MRPL20: variants seen among roughly 807,000 people sequenced by gnomAD.
The protein encoded by MRPL20 is mitochondrial ribosomal protein L20.
MRPL20 carries 21 observed loss-of-function variants against 20.0 expected under a neutral mutation model. The observed-to-expected ratio is 1.05, with a 90% confidence interval of 0.74 to 1.51. The LOEUF (loss-of-function observed/expected upper bound fraction) is 1.51, where lower values mean the gene tolerates loss of function less well. Among genes scored for constraint, MRPL20 ranks in the 40% most tolerant of loss-of-function variants. The probability of loss-of-function intolerance (pLI) is 0.00; values close to 1 mark genes in which losing one functional copy is unlikely to be tolerated. For missense variants in MRPL20, 252 were observed against 185.6 expected, an observed-to-expected ratio of 1.36 and a Z score of -2.08; for synonymous variants, 104 against 73.0, an observed-to-expected ratio of 1.43 and a Z score of -2.17.
intron 2 of MRPL20, chr1:1,406,698 G>A (rs1445342168): frequency 1.2e-5 from 7 of 592,388 alleles, no homozygotes; most frequent in Admixed American, 1.1e-4. Context: ...AGGGGCTGGA[G>A]CAGGGGGTGA....
chr1:1,404,777 G>C (rs1232492157), intron 3 of MRPL20, among the ~76,000 whole-genome samples: 1 of 152,072 alleles, frequency 6.6e-6, no homozygotes, highest in Non-Finnish European at 1.5e-5. Context: ...GGGATGCCTG[G>C]CCTTTTTTCT....
At chr1:1,403,852 T>A (rs944940830) in intron 3 of MRPL20, among the ~76,000 whole-genome samples, 3 of 152,132 alleles carry the variant, frequency 2.0e-5, no homozygotes, top group Non-Finnish European at 2.9e-5. Flanking sequence ...AAACTTTTTG[T>A]TGTTGTTGAG....
chr1:1,403,130 A>AAAAAAAG (rs1161305436), intron 3 of MRPL20, among the ~76,000 whole-genome samples: 1 of 151,798 alleles, frequency 6.6e-6, no homozygotes, highest in African/African-American at 2.4e-5. Context: ...TTGTATCCAA[A>AAAAAAAG]AAAAAAAAGG....
intron 3 of MRPL20, among the ~76,000 whole-genome samples, chr1:1,404,767 G>C (rs1645367443): frequency 6.6e-6 from 1 of 152,082 alleles, no homozygotes; most frequent in Admixed American, 6.6e-5. Flanking sequence ...CCAAAGTGTT[G>C]GGATGCCTGG....
chr1:1,407,070 G>A, intron 1 of MRPL20, 51 bp from the exon 2 acceptor site: 8 of 1,607,402 alleles, frequency 5.0e-6, no homozygotes, highest in Non-Finnish European at 6.8e-6. Context: ...CGCGCCGGCC[G>A]CCCCTTGGCC....
At chr1:1,403,098 C>T (rs1459236914) in intron 3 of MRPL20, among the ~76,000 whole-genome samples, 3 of 145,872 alleles carry the variant, frequency 2.1e-5, no homozygotes, top group East Asian at 2.0e-4. Context: ...CACTTCACTC[C>T]AGCCTGAGCA....
chr1:1,404,644 G>A (rs375540928), intron 3 of MRPL20, among the ~76,000 whole-genome samples: 1 of 151,152 alleles, frequency 6.6e-6, no homozygotes. Context: ...GGGACTACAG[G>A]TGCCGGCCAC....
chr1:1,404,594 A>C (rs893078776), intron 3 of MRPL20, among the ~76,000 whole-genome samples: 1 of 144,988 alleles, frequency 6.9e-6, no homozygotes, highest in Non-Finnish European at 1.5e-5. Context: ...TCTGCCTCCC[A>C]AGTTCAAGCG....
intron 3 of MRPL20, among the ~76,000 whole-genome samples, chr1:1,402,846 A>G (rs1645346083): frequency 6.6e-6 from 1 of 152,042 alleles, no homozygotes; most frequent in South Asian, 2.1e-4. Flanking sequence ...AAAAACCACA[A>G]GGCCAGGCGC....
chr1:1,402,390 T>C, intron 3 of MRPL20, 134 bp from the exon 4 acceptor site: 1 of 1,412,302 alleles, frequency 7.1e-7, no homozygotes, highest in South Asian at 1.6e-5. Flanking sequence ...GAGAATCCTA[T>C]CTGGGTGGCA....
rs1412497513 is a variant in MRPL20, at chr1:1,407,173, G to A, written c.45C>T (p.Thr15=). Reference sequence around the variant, plus strand: ...CCTCCTGGATCCGAAAGTAGCGGTCGGTGACGCGATTCCGCAGCCAGAGCT... The same window carrying A: ...CCTCCTGGATCCGAAAGTAGCGGTCAGTGACGCGATTCCGCAGCCAGAGCT... ...TAQLWLRNRV[T]DRYFRIQEVL... is the part of the protein sequence containing the mutation. The change falls in exon 1 of 4, where the codon ACC becomes ACT. Residue 15 remains threonine, a synonymous_variant. Transcript: ENST00000344843. 1.2e-5 allele frequency: 19 copies of A among 1,607,588 alleles called. No homozygotes were observed. The highest frequency in any genetic ancestry group is 1.4e-5 in the Non-Finnish European group (17 of 1,177,352).
At position 1,401,959 on chromosome 1, in the gene MRPL20, G is replaced by T; in HGVS notation, c.*124C>A. ...ACAAAACATGGACATCATCTGTGAG[G>T]CTCTGTCCCAGAGAGACAGGGCCAT... is the stretch of plus-strand genomic sequence containing the variant. On this transcript the variant is annotated 3_prime_UTR_variant, in exon 4 of 4. Coordinates refer to ENST00000344843, the MANE Select transcript of MRPL20 (RefSeq NM_017971.4). 9.2e-7 allele frequency: 1 copy of T among 1,084,318 alleles called. No homozygotes were observed. The highest frequency in any genetic ancestry group is 1.6e-5 in the South Asian group (1 of 63,646). The allele number at this position is 1,084,318 out of a possible 1,614,324, so 67.2% of individuals were successfully genotyped here. A position where few individuals can be genotyped will look rare whatever the true frequency, so the allele number is the denominator to read the frequency against.
rs768138326 is a variant in MRPL20, at chr1:1,402,198, G to A, written c.335C>T (p.Thr112Ile). ...LADLAIYEPKTFKSLAALASR... is the reference protein window; with the variant it reads ...LADLAIYEPKIFKSLAALASR... ...GGCCAAGGCAGCCAAAGATTTGAAAGTCTTTGGCTCGTAGATGGCCAGATC... is the reference window on the plus strand; with the variant it reads ...GGCCAAGGCAGCCAAAGATTTGAAAATCTTTGGCTCGTAGATGGCCAGATC... The change falls in exon 4 of 4, where the codon ACT becomes ATT. Residue 112 changes from threonine to isoleucine, a missense_variant. By Grantham distance (89) the Thr-to-Ile change is moderately conservative. Transcript: ENST00000344843. 6.2e-7 allele frequency: 1 copy of A among 1,614,122 alleles called. No homozygotes were observed. The highest frequency in any genetic ancestry group is 8.5e-7 in the Non-Finnish European group (1 of 1,180,030).
At chr1:1,403,848 T>C (rs141097953) in intron 3 of MRPL20, among the ~76,000 whole-genome samples, 6 of 152,120 alleles carry the variant, frequency 3.9e-5, no homozygotes, top group Non-Finnish European at 2.9e-5. Flanking sequence ...ATTAAAACTT[T>C]TTGTTGTTGT....
At chr1:1,406,888 G>A in intron 2 of MRPL20, 21 bp downstream of exon 2, 5 of 1,597,680 alleles carry the variant, frequency 3.1e-6, no homozygotes, top group East Asian at 2.2e-5. Flanking sequence ...TGGCCGGCGG[G>A]TGTCCCGGGT....
chr1:1,405,973 T>C (rs916587516), intron 2 of MRPL20, 87 bp from the exon 3 acceptor site: 45 of 1,520,106 alleles, frequency 3.0e-5, no homozygotes, highest in Non-Finnish European at 8.8e-6. Context: ...AAGAATATTT[T>C]TCTAAAAGTA....
intron 3 of MRPL20, among the ~76,000 whole-genome samples, chr1:1,402,900 A>G (rs112491004): frequency 0.16 from 24,271 of 151,986 alleles, 3,032 homozygotes; most frequent in African/African-American, 0.34. Flanking sequence ...AGGCTGAGGC[A>G]GGCGGATCAC....
intron 3 of MRPL20, among the ~76,000 whole-genome samples, chr1:1,402,795 C>T (rs1459248922): frequency 6.6e-6 from 1 of 151,916 alleles, no homozygotes; most frequent in Non-Finnish European, 1.5e-5. Context: ...CTAGTCTGAC[C>T]AACATGGAGA....
chr1:1,406,018 A>G, intron 2 of MRPL20, 132 bp from the exon 3 acceptor site: 1 of 1,317,872 alleles, frequency 7.6e-7, no homozygotes. Flanking sequence ...TGGTGCCATC[A>G]CTCTGGCCTA....
Sources: allele counts gnomAD v4.1 joint callset (sites outside exome capture counted in the v4.1 genomes callset), GRCh38; gene constraint gnomAD v4.1.1; transcripts MANE v1.5; gene names NCBI Gene and HGNC (gene_info 2026-07-23, HGNC 2026-07-21).